Variants in NBAS observed in about 807,000 individuals in gnomAD.
NBAS encodes NAG/BC035112 fusion.
Under a neutral mutation model 302.5 loss-of-function variants are expected in NBAS, and 219 were observed. That is an observed-to-expected ratio of 0.72 (90% CI 0.65 to 0.81). The LOEUF (loss-of-function observed/expected upper bound fraction) is 0.81. NBAS is among the 30% of genes least tolerant of loss of function. The probability of loss-of-function intolerance (pLI) is 0.00; values close to 1 mark genes in which losing one functional copy is unlikely to be tolerated. For synonymous variants in NBAS, 1,118 were observed against 1,021.6 expected, an observed-to-expected ratio of 1.09 and a Z score of -1.80; for missense variants, 2,932 against 2,841.6, an observed-to-expected ratio of 1.03 and a Z score of -0.72.
chr2:14,986,046 G>T, the NBAS span, among the ~76,000 whole-genome samples: 4 of 152,072 alleles, frequency 2.6e-5, no homozygotes, highest in African/African-American at 9.7e-5. Flanking sequence ...CCTTTTAAGC[G>T]CAATGCATTT....
intron 42 of NBAS, among the ~76,000 whole-genome samples, chr2:15,286,681 T>C (rs1670058301): frequency 6.6e-6 from 1 of 152,262 alleles, no homozygotes; most frequent in African/African-American, 2.4e-5. Flanking sequence ...CTTTGCTAAC[T>C]ATGCCAAACC....
intron 23 of NBAS, among the ~76,000 whole-genome samples, chr2:15,423,435 G>A (rs1677305449): frequency 6.6e-6 from 1 of 152,092 alleles, no homozygotes. Context: ...TCATGTGGAA[G>A]CACATGGGTC....
chr2:15,232,346 A>C, intron 47 of NBAS, 76 bp downstream of exon 47: 1 of 1,393,124 alleles, frequency 7.2e-7, no homozygotes, highest in East Asian at 2.3e-5. Flanking sequence ...AGCCTCATAC[A>C]TACGGATACT....
chr2:15,402,970 A>T (rs1466357639), intron 25 of NBAS, among the ~76,000 whole-genome samples: 1 of 152,220 alleles, frequency 6.6e-6, no homozygotes, highest in Non-Finnish European at 1.5e-5. Context: ...CATGAATATT[A>T]ACAATACCTT....
At chr2:15,042,869 C>CTAGTA in the NBAS span, among the ~76,000 whole-genome samples, 1 of 152,200 alleles carries the variant, frequency 6.6e-6, no homozygotes, top group African/African-American at 2.4e-5. Context: ...AAAAGGCCAG[C>CTAGTA]TAGTATATAT....
At chr2:15,514,984 C>T (rs984077286) in intron 9 of NBAS, among the ~76,000 whole-genome samples, 6 of 152,112 alleles carry the variant, frequency 3.9e-5, no homozygotes, top group Admixed American at 2.0e-4. Context: ...AATGATGAAA[C>T]GAATCATGTG....
At chr2:15,287,227 C>G in intron 41 of NBAS, 44 bp from the exon 42 acceptor site, 1 of 1,493,016 alleles carries the variant, frequency 6.7e-7, no homozygotes, top group East Asian at 2.3e-5. Context: ...AGAGGAGAAA[C>G]ACATGACTTC....
chr2:14,943,303 C>G, the NBAS span, among the ~76,000 whole-genome samples: 1 of 152,206 alleles, frequency 6.6e-6, no homozygotes, highest in African/African-American at 2.4e-5. Context: ...ATGAGCAGAA[C>G]TAAAAGAGCC....
chr2:15,443,293 G>C lies in NBAS; in HGVS notation c.2340-15499C>G, dbSNP rs978663543. ...ACCGAATCCAGCAGCACATCAAAAA[G>C]CTTATCCACCATGATCAAGTGGGCT... On this transcript the variant is annotated intron_variant, in intron 21 of 51. Transcript: ENST00000281513. 8.0e-5 allele frequency among the ~76,000 whole-genome samples: 12 copies of C among 150,638 alleles called. 1 individual carries two copies. Among genetic ancestry groups the C allele is most frequent in the African/African-American group, 2.4e-4 (10 of 41,222 alleles).
At position 15,383,295 on chromosome 2, in the gene NBAS, G is replaced by A. The variant is rs745444591; in HGVS notation, c.3280C>T (p.His1094Tyr). 5.0e-6 allele frequency: 8 copies of A among 1,613,814 alleles called. No homozygotes were observed. The Admixed American group carries it at 1.3e-4, about 27-fold the overall frequency. The change falls in exon 29 of 52, where the codon CAT (histidine) becomes TAT (tyrosine). Residue 1094 changes from histidine (H) to tyrosine (Y), a missense_variant. Transcript: ENST00000281513. ...ATGTCTTGCAGCAACGTTCTCCAAT[G>A]AGACTCACTGACAGGAGGCTGCCTG... is the stretch of plus-strand genomic sequence containing the variant. ...GRKQPPVSES[H>Y]WRTLLQDMLT...
intron 46 of NBAS, 78 bp from the exon 47 acceptor site, chr2:15,232,589 A>C: frequency 1.5e-6 from 2 of 1,347,478 alleles, no homozygotes; most frequent in Non-Finnish European, 2.1e-6. Context: ...ACACCCTTAA[A>C]TGAACCTGGC....
chr2:15,020,843 A>G, the NBAS span, among the ~76,000 whole-genome samples: 1 of 152,172 alleles, frequency 6.6e-6, no homozygotes, highest in South Asian at 2.1e-4. Context: ...TTCTGAAACT[A>G]TGGAACTCTG....
the NBAS span, among the ~76,000 whole-genome samples, chr2:15,086,939 T>C: frequency 1.3e-5 from 2 of 152,274 alleles, no homozygotes; most frequent in Admixed American, 1.3e-4. Context: ...ATCCAATCAG[T>C]TGGAGACCTG....
At chr2:14,872,122 A>C in the NBAS span, among the ~76,000 whole-genome samples, 1 of 152,242 alleles carries the variant, frequency 6.6e-6, no homozygotes, top group African/African-American at 2.4e-5. Flanking sequence ...TATTAACATC[A>C]GAGAGTAATT....
At chr2:15,252,246 C>A (rs1668396680) in intron 44 of NBAS, among the ~76,000 whole-genome samples, 1 of 152,162 alleles carries the variant, frequency 6.6e-6, no homozygotes, top group Non-Finnish European at 1.5e-5. Flanking sequence ...TGCCTGTAAT[C>A]CCAGCACTTT....
chr2:15,177,635 G>GA (rs927081722), intron 51 of NBAS, among the ~76,000 whole-genome samples: 57 of 151,538 alleles, frequency 3.8e-4, no homozygotes, highest in Middle Eastern at 3.4e-3. Flanking sequence ...GGGTGGGGAG[G>GA]AAAAAAAATG....
At chr2:15,363,829 C>T (rs984264939) in intron 32 of NBAS, among the ~76,000 whole-genome samples, 2 of 152,106 alleles carry the variant, frequency 1.3e-5, no homozygotes, top group Non-Finnish European at 2.9e-5. Flanking sequence ...AAAATATAAC[C>T]AAAGGGCTGA....
the NBAS span, among the ~76,000 whole-genome samples, chr2:15,125,666 C>T: frequency 8.5e-5 from 13 of 152,310 alleles, no homozygotes; most frequent in African/African-American, 3.1e-4. Context: ...AATGACTACC[C>T]TGTTACGTTT....
chr2:15,366,453 G>A, intron 32 of NBAS, 127 bp downstream of exon 32: 2 of 886,648 alleles, frequency 2.3e-6, no homozygotes, highest in Non-Finnish European at 3.7e-6. Flanking sequence ...GAGCAACAGA[G>A]CGAGACCCTG....
Sources: allele counts gnomAD v4.1 joint callset (sites outside exome capture counted in the v4.1 genomes callset), GRCh38; gene constraint gnomAD v4.1.1; transcripts MANE v1.5; gene names NCBI Gene and HGNC (gene_info 2026-07-23, HGNC 2026-07-21).